The following PRKCA variants were observed in gnomAD, a reference collection of about 807,000 sequenced individuals.
PRKCA encodes the protein protein kinase C alpha, also known as protein kinase C alpha type.
Under a neutral mutation model 87.0 loss-of-function variants are expected in PRKCA, and 27 were observed. The observed-to-expected ratio is 0.31, with a 90% confidence interval of 0.23 to 0.43. The LOEUF (loss-of-function observed/expected upper bound fraction) is 0.43, where lower values mean the gene tolerates loss of function less well. Ranked by LOEUF, PRKCA falls within the 20% of genes least tolerant of loss-of-function variation. The pLI, the probability that PRKCA is intolerant of heterozygous loss-of-function variation, is 1.00. For synonymous variants in PRKCA, 329 were observed against 311.1 expected (o/e 1.06, Z -0.61); for missense variants, 518 against 852.3 (o/e 0.61, Z 4.88).
intron 2 of PRKCA, among the ~76,000 whole-genome samples, chr17:66,483,313 C>T (rs1004647822): frequency 6.6e-6 from 1 of 152,000 alleles, no homozygotes; most frequent in African/African-American, 2.4e-5. Flanking sequence ...TTCCATGACT[C>T]CCCCTGGCTT....
chr17:66,572,196 G>A (rs550690645), intron 3 of PRKCA, among the ~76,000 whole-genome samples: 1 of 152,352 alleles, frequency 6.6e-6, no homozygotes, highest in Non-Finnish European at 1.5e-5. Context: ...GCTGGGCATG[G>A]TGGCGCACGC....
At chr17:66,769,653 T>G (rs1974888341) in intron 13 of PRKCA, among the ~76,000 whole-genome samples, 1 of 152,164 alleles carries the variant, frequency 6.6e-6, no homozygotes, top group Non-Finnish European at 1.5e-5. Context: ...ATTTTATAAT[T>G]TGCAGCTCTA....
chr17:66,764,995 G>A (rs1195725967), intron 13 of PRKCA, among the ~76,000 whole-genome samples: 1 of 152,218 alleles, frequency 6.6e-6, no homozygotes, highest in Non-Finnish European at 1.5e-5. Context: ...ATAGGAGCCG[G>A]TGGAATTCAG....
At chr17:66,437,733 A>AGTGGGG (rs1567828446) in intron 2 of PRKCA, among the ~76,000 whole-genome samples, 2 of 3,768 alleles carry the variant, frequency 5.3e-4, no homozygotes, top group African/African-American at 2.3e-3. Context: ...TTTTTTTTTG[A>AGTGGGG]GCGGGGGGTG....
intron 3 of PRKCA, among the ~76,000 whole-genome samples, chr17:66,512,649 C>T (rs994446953): frequency 1.5e-4 from 23 of 152,060 alleles, no homozygotes; most frequent in African/African-American, 4.8e-4. Context: ...CTCATTCGTA[C>T]GATTTCAGAC....
intron 3 of PRKCA, among the ~76,000 whole-genome samples, chr17:66,576,607 G>A (rs780479488): frequency 1.2e-4 from 18 of 152,286 alleles, no homozygotes; most frequent in Non-Finnish European, 1.8e-4. Flanking sequence ...CGCAGGACAA[G>A]AGAAATTTGA....
chr17:66,510,484 T>C (rs1421566307), intron 3 of PRKCA, among the ~76,000 whole-genome samples: 1 of 152,210 alleles, frequency 6.6e-6, no homozygotes, highest in African/African-American at 2.4e-5. Flanking sequence ...AGGGTGATCA[T>C]CCTTGAAGTG....
chr17:66,685,372 G>T (rs1388764743), intron 5 of PRKCA, among the ~76,000 whole-genome samples: 1 of 152,306 alleles, frequency 6.6e-6, no homozygotes, highest in East Asian at 1.9e-4. Flanking sequence ...CTGAGCCACA[G>T]GGACCATGCC....
chr17:66,636,876 A>G (rs1484064165), intron 3 of PRKCA, among the ~76,000 whole-genome samples: 1 of 152,194 alleles, frequency 6.6e-6, no homozygotes, highest in Non-Finnish European at 1.5e-5. Flanking sequence ...TGCTCTTCTC[A>G]TAGGAGACTC....
chr17:66,638,958 G>A (rs181954006), intron 3 of PRKCA, among the ~76,000 whole-genome samples: 35 of 152,270 alleles, frequency 2.3e-4, no homozygotes, highest in African/African-American at 7.5e-4. Context: ...GGAATTCCCC[G>A]AAATCACCAG....
At chr17:66,537,041 C>T (rs1262581355) in intron 3 of PRKCA, among the ~76,000 whole-genome samples, 1 of 152,152 alleles carries the variant, frequency 6.6e-6, no homozygotes, top group African/African-American at 2.4e-5. Flanking sequence ...TCTCTGGGCT[C>T]TAGTTCTTCC....
chr17:66,471,568 A>C (rs1437755918), intron 2 of PRKCA, among the ~76,000 whole-genome samples: 2 of 152,074 alleles, frequency 1.3e-5, no homozygotes, highest in Non-Finnish European at 2.9e-5. Flanking sequence ...CCATGATTTT[A>C]GGGGAGAGCA....
chr17:66,468,120 A>G (rs1242890432), intron 2 of PRKCA, among the ~76,000 whole-genome samples: 1 of 152,240 alleles, frequency 6.6e-6, no homozygotes, highest in Admixed American at 6.5e-5. Flanking sequence ...CTCTGAAATG[A>G]TAAAGCTACA....
At chr17:66,767,589 A>G (rs1974839681) in intron 13 of PRKCA, among the ~76,000 whole-genome samples, 1 of 152,156 alleles carries the variant, frequency 6.6e-6, no homozygotes, top group Non-Finnish European at 1.5e-5. Context: ...TGCCACAGCA[A>G]TCCCTGAAAT....
At chr17:66,416,133 T>C (rs1037145976) in intron 2 of PRKCA, 1 of 152,182 alleles carries the variant, frequency 6.6e-6, no homozygotes, top group African/African-American at 2.4e-5. Flanking sequence ...AATTCCAAAG[T>C]CTACCATCAT....
At chr17:66,682,266 G>A (rs1472096129) in intron 5 of PRKCA, among the ~76,000 whole-genome samples, 1 of 152,226 alleles carries the variant, frequency 6.6e-6, no homozygotes, top group Non-Finnish European at 1.5e-5. Context: ...TCTAACCCAG[G>A]CTGGTTTTTC....
chr17:66,690,033 C>T (rs541432947), intron 8 of PRKCA, among the ~76,000 whole-genome samples: 1 of 151,584 alleles, frequency 6.6e-6, no homozygotes, highest in East Asian at 1.9e-4. Flanking sequence ...TGTTGTTCTC[C>T]AAGAAACATA....
intron 5 of PRKCA, among the ~76,000 whole-genome samples, chr17:66,646,535 G>A (rs938067687): frequency 1.6e-4 from 24 of 152,164 alleles, no homozygotes; most frequent in Admixed American, 1.4e-3. Flanking sequence ...ATCAGCAAAG[G>A]TATCTTCCTT....
intron 2 of PRKCA, among the ~76,000 whole-genome samples, chr17:66,418,680 TCCAGCC>T (rs1268048670): frequency 6.6e-6 from 1 of 152,022 alleles, no homozygotes; most frequent in East Asian, 1.9e-4. Flanking sequence ...CAAGTGATCT[TCCAGCC>T]CCAGCCTCCT....
Sources: gnomAD v4.1 joint callset for allele counts (sites outside exome capture counted in the v4.1 genomes callset) on GRCh38, gnomAD v4.1.1 for gene constraint, MANE v1.5 for transcripts, NCBI Gene and HGNC (gene_info 2026-07-23, HGNC 2026-07-21) for gene names.